CDK6: variants seen among roughly 807,000 people sequenced by gnomAD.
CDK6 encodes the protein cyclin-dependent kinase 6.
CDK6 carries 6 observed loss-of-function variants against 37.1 expected under a neutral mutation model. That is an observed-to-expected ratio of 0.16 (90% CI 0.09 to 0.32). The LOEUF (loss-of-function observed/expected upper bound fraction) is 0.32. CDK6 is among the 10% of genes least tolerant of loss of function. CDK6 has a pLI of 1.00. For synonymous variants in CDK6, 160 were observed against 161.3 expected, an observed-to-expected ratio of 0.99 and a Z score of 0.06; for missense variants, 224 against 418.9, an observed-to-expected ratio of 0.53 and a Z score of 4.06.
chr7:92,781,342 T>A (rs1323739353), intron 2 of CDK6, among the ~76,000 whole-genome samples: 1 of 152,244 alleles, frequency 6.6e-6, no homozygotes, highest in East Asian at 1.9e-4. Context: ...GCTGTCCTAG[T>A]GATGTAATTA....
chr7:92,678,066 C>G (rs1245595408), intron 4 of CDK6, among the ~76,000 whole-genome samples: 4 of 152,120 alleles, frequency 2.6e-5, no homozygotes, highest in Non-Finnish European at 4.4e-5. Flanking sequence ...TGAATAATAT[C>G]AATAAAATTG....
At chr7:92,816,940 C>T (rs1801044193) in intron 2 of CDK6, among the ~76,000 whole-genome samples, 1 of 151,474 alleles carries the variant, frequency 6.6e-6, no homozygotes, top group African/African-American at 2.4e-5. Context: ...TAAACTACCA[C>T]CCCCCCAAAA....
chr7:92,703,506 A>G (rs892261138), intron 4 of CDK6, among the ~76,000 whole-genome samples: 1 of 152,242 alleles, frequency 6.6e-6, no homozygotes, highest in African/African-American at 2.4e-5. Context: ...AATCATTATA[A>G]TATGACCTAT....
At chr7:92,706,722 C>T (rs1432905368) in intron 4 of CDK6, among the ~76,000 whole-genome samples, 3 of 152,170 alleles carry the variant, frequency 2.0e-5, no homozygotes, top group East Asian at 1.9e-4. Flanking sequence ...AGATCTCACA[C>T]TGAGATATGG....
intron 4 of CDK6, among the ~76,000 whole-genome samples, chr7:92,675,245 C>T (rs1281302428): frequency 6.6e-6 from 1 of 152,164 alleles, no homozygotes; most frequent in African/African-American, 2.4e-5. Context: ...AATGTATAGA[C>T]AGTCAAAATC....
intron 4 of CDK6, among the ~76,000 whole-genome samples, chr7:92,694,478 G>A (rs1007513539): frequency 3.9e-5 from 6 of 152,140 alleles, no homozygotes; most frequent in African/African-American, 1.4e-4. Flanking sequence ...GAGGAAAACT[G>A]AAAGAACATT....
At chr7:92,801,785 C>CTAATTT (rs1268860143) in intron 2 of CDK6, among the ~76,000 whole-genome samples, 3 of 152,084 alleles carry the variant, frequency 2.0e-5, no homozygotes, top group Non-Finnish European at 4.4e-5. Flanking sequence ...TCATGCCTGG[C>CTAATTT]TAATTTTTGT....
chr7:92,627,472 C>T (rs1160109292), intron 5 of CDK6, among the ~76,000 whole-genome samples: 1 of 152,044 alleles, frequency 6.6e-6, no homozygotes, highest in Non-Finnish European at 1.5e-5. Context: ...TTGTCCCTTT[C>T]ACCATATGAA....
chr7:92,658,674 G>A (rs1796763745), intron 5 of CDK6, among the ~76,000 whole-genome samples: 1 of 152,032 alleles, frequency 6.6e-6, no homozygotes, highest in Non-Finnish European at 1.5e-5. Context: ...GAGAAGTACA[G>A]GAAAGACAAT....
chr7:92,825,199 G>A (rs148050356), intron 2 of CDK6, among the ~76,000 whole-genome samples: 7 of 152,126 alleles, frequency 4.6e-5, no homozygotes, highest in Admixed American at 6.6e-5. Flanking sequence ...TTAACAAAGC[G>A]TTGAATATAA....
intron 2 of CDK6, among the ~76,000 whole-genome samples, chr7:92,799,864 A>G (rs1239875139): frequency 1.3e-5 from 2 of 152,208 alleles, no homozygotes; most frequent in African/African-American, 4.8e-5. Flanking sequence ...AACTTTGACT[A>G]TAACTCTGCC....
At chr7:92,743,239 G>C (rs1798971973) in intron 3 of CDK6, among the ~76,000 whole-genome samples, 1 of 151,806 alleles carries the variant, frequency 6.6e-6, no homozygotes, top group Admixed American at 6.6e-5. Context: ...AGCTGGGCGT[G>C]GTGGCAGGTG....
chr7:92,795,993 T>C (rs1367924517), intron 2 of CDK6, among the ~76,000 whole-genome samples: 1 of 150,716 alleles, frequency 6.6e-6, no homozygotes, highest in Non-Finnish European at 1.5e-5. Flanking sequence ...CTCTGAAGAA[T>C]ATCCACTGAA....
chr7:92,823,148 C>G (rs991912563), intron 2 of CDK6, among the ~76,000 whole-genome samples: 1 of 150,698 alleles, frequency 6.6e-6, no homozygotes, highest in Non-Finnish European at 1.5e-5. Context: ...AGATGTTTCT[C>G]TTGACTCATC....
chr7:92,634,834 G>A (rs1485062959), intron 5 of CDK6, among the ~76,000 whole-genome samples: 1 of 152,092 alleles, frequency 6.6e-6, no homozygotes, highest in Non-Finnish European at 1.5e-5. Flanking sequence ...ACTTACTGCT[G>A]ATCTTTTATC....
intron 4 of CDK6, among the ~76,000 whole-genome samples, chr7:92,708,868 C>T (rs1798024279): frequency 6.6e-6 from 1 of 152,116 alleles, no homozygotes; most frequent in Non-Finnish European, 1.5e-5. Context: ...AATACCACTG[C>T]CAGTAAAAAT....
At chr7:92,677,740 C>G (rs1797239777) in intron 4 of CDK6, among the ~76,000 whole-genome samples, 1 of 152,124 alleles carries the variant, frequency 6.6e-6, no homozygotes, top group South Asian at 2.1e-4. Context: ...TGTTAATTTA[C>G]TTGGCTGTTC....
chr7:92,617,249 G>A (rs1795701791), intron 7 of CDK6, among the ~76,000 whole-genome samples: 1 of 151,906 alleles, frequency 6.6e-6, no homozygotes, highest in African/African-American at 2.4e-5. Context: ...TGGACCTTCA[G>A]GGGCATTGCA....
chr7:92,766,569 G>A (rs773449970), intron 3 of CDK6, among the ~76,000 whole-genome samples: 2 of 152,186 alleles, frequency 1.3e-5, no homozygotes, highest in Non-Finnish European at 2.9e-5. Context: ...ATTAGAAAGT[G>A]TAGCCAAGGA....
Sources: allele counts gnomAD v4.1 joint callset (sites outside exome capture counted in the v4.1 genomes callset), GRCh38; gene constraint gnomAD v4.1.1; transcripts MANE v1.5; gene names NCBI Gene and HGNC (gene_info 2026-07-23, HGNC 2026-07-21).